DCHS2: variants seen among roughly 807,000 people sequenced by gnomAD.
DCHS2 encodes protocadherin-23.
A neutral mutation model predicts 182.4 loss-of-function variants in DCHS2; 142 were observed. The ratio of observed to expected loss-of-function variants is 0.78; its 90% CI spans 0.68 to 0.89. The LOEUF is 0.89. DCHS2 is among the 40% of genes least tolerant of loss of function. The pLI is 0.00. For synonymous variants in DCHS2, 1,740 were observed against 1,663.3 expected, an observed-to-expected ratio of 1.05 and a Z score of -1.12; for missense variants, 4,319 against 4,198.6, an observed-to-expected ratio of 1.03 and a Z score of -0.79.
At chr4:154,331,460 T>C (rs1736521332) in intron 5 of DCHS2, 2 of 1,071,594 alleles carry the variant, frequency 1.9e-6, no homozygotes, top group South Asian at 1.8e-5. Flanking sequence ...TATAGCTGTA[T>C]GGTTTGTGCC....
intron 13 of DCHS2, chr4:154,284,449 A>T (rs1458528003): frequency 6.6e-6 from 1 of 152,252 alleles, no homozygotes. Context: ...GTGAGCAATC[A>T]CAGTACCTGG....
intron 1 of DCHS2, among the ~76,000 whole-genome samples, chr4:154,451,996 C>T (rs1219873280): frequency 6.6e-6 from 1 of 152,184 alleles, no homozygotes; most frequent in Non-Finnish European, 1.5e-5. Context: ...ATGACTTGTT[C>T]TGTTGATACC....
Position 154,305,279 on chromosome 4 carries a change from C to T in DCHS2, c.5261-48G>A, listed in dbSNP as rs569127381. 3.2e-6 allele frequency: 5 copies of T among 1,565,368 alleles called. No homozygotes were observed. In the African/African-American group the frequency reaches 4.1e-5, roughly 13 times the overall value. On this transcript the variant is annotated intron_variant, in intron 10 of 19. Coordinates refer to ENST00000357232, the MANE Select transcript of DCHS2 (RefSeq NM_001358235.2). ...ACTTAGCAATCATTTCTTTGAAATA[C>T]ATTTATCCACTTTCCTATTTCTTTT... is the stretch of plus-strand genomic sequence containing the variant.
intron 3 of DCHS2, among the ~76,000 whole-genome samples, chr4:154,358,352 T>C (rs934790184): frequency 2.6e-5 from 4 of 152,264 alleles, no homozygotes; most frequent in East Asian, 1.9e-4. Flanking sequence ...TCCAGCATTG[T>C]CTTTGGAAGC....
intron 1 of DCHS2, among the ~76,000 whole-genome samples, chr4:154,469,891 T>C (rs940659635): frequency 5.3e-5 from 8 of 152,202 alleles, no homozygotes; most frequent in Non-Finnish European, 1.0e-4. Flanking sequence ...CCAGCCACTC[T>C]TGAGCCCATC....
rs1561078112 is a variant in DCHS2, at chr4:154,378,528, G to GGAAGGAAGGAAGGAAA, written c.2053-1085_2053-1084insTTTCCTTCCTTCCTTC. On this transcript the variant is annotated intron_variant, in intron 1 of 19. Coordinates refer to ENST00000357232, the MANE Select transcript of DCHS2 (RefSeq NM_001358235.2). ...AGGAAGGAAGGAAGGAAAGAAGGAA[G>GGAAGGAAGGAAGGAAA]GAAGGAAGGAAGGAAGGAAGGAAGG... Among the ~76,000 whole-genome samples, 10 of 145,130 alleles carry GGAAGGAAGGAAGGAAA rather than the reference G, an allele frequency of 6.9e-5. No homozygotes were observed. The East Asian group carries it at 1.6e-3, about 24-fold the overall frequency.
At chr4:154,323,215 C>T (rs1470350408) in intron 7 of DCHS2, 1 of 1,549,512 alleles carries the variant, frequency 6.5e-7, no homozygotes, top group Non-Finnish European at 8.7e-7. Flanking sequence ...AATTGGGAGG[C>T]AGATCTAGAG....
intron 15 of DCHS2, among the ~76,000 whole-genome samples, 162 bp from the exon 16 acceptor site, chr4:154,255,832 C>T (rs1732638896): frequency 6.6e-6 from 1 of 152,146 alleles, no homozygotes; most frequent in South Asian, 2.1e-4. Flanking sequence ...TTACATTTAA[C>T]TTTATGATAA....
chr4:154,439,857 G>A (rs1024465589), intron 1 of DCHS2, among the ~76,000 whole-genome samples: 13 of 152,036 alleles, frequency 8.6e-5, no homozygotes, highest in South Asian at 8.3e-4. Flanking sequence ...AATGCTCTAC[G>A]AAAATAGCTA....
At chr4:154,252,852 G>T (rs1004173501) in intron 16 of DCHS2, among the ~76,000 whole-genome samples, 6 of 152,122 alleles carry the variant, frequency 3.9e-5, no homozygotes, top group South Asian at 2.1e-4. Flanking sequence ...AGATTGTATG[G>T]TAGCTCTATT....
At chr4:154,426,717 T>G (rs946340603) in intron 1 of DCHS2, among the ~76,000 whole-genome samples, 17 of 151,698 alleles carry the variant, frequency 1.1e-4, no homozygotes, top group African/African-American at 3.9e-4. Flanking sequence ...GAGGATTCCT[T>G]GAGCTCAGGA....
At chr4:154,311,760 C>G (rs1411407302) in intron 10 of DCHS2, among the ~76,000 whole-genome samples, 1 of 152,050 alleles carries the variant, frequency 6.6e-6, no homozygotes, top group Admixed American at 6.6e-5. Context: ...TTGCACTACT[C>G]TAAGAACCTG....
At position 154,259,736 on chromosome 4, in the gene DCHS2, G is replaced by T. The variant is rs1732884395; in HGVS notation, c.6598C>A (p.Pro2200Thr). 1 of 1,613,746 alleles carries T rather than the reference G, an allele frequency of 6.2e-7. No individual in the cohort carries two copies. Among genetic ancestry groups the T allele is most frequent in the Non-Finnish European group, 8.5e-7 (1 of 1,179,884 alleles). ...SKSGQLTVKE[P>T]KFLDFEVRNE... ...CTGACTTCAAAATCAAGAAACTTGGGTTCTTTCACAGTGAGTTGTCCTATT... is the reference window on the plus strand; with the variant it reads ...CTGACTTCAAAATCAAGAAACTTGGTTTCTTTCACAGTGAGTTGTCCTATT... The change falls in exon 15 of 20, where the codon CCC becomes ACC. Residue 2200 changes from proline (P) to threonine (T), a missense_variant. Physicochemically the swap from Pro to Thr is conservative, Grantham distance 38 (BLOSUM62 -1). Transcript: ENST00000357232.
intron 16 of DCHS2, among the ~76,000 whole-genome samples, chr4:154,249,086 T>C (rs6849044): frequency 0.037 from 5,684 of 152,192 alleles, 351 homozygotes; most frequent in African/African-American, 0.13. Flanking sequence ...AATTGACAGA[T>C]GGGATCTAAT....
intron 16 of DCHS2, among the ~76,000 whole-genome samples, chr4:154,247,635 C>CAAAAAAAA (rs67157369): frequency 7.1e-4 from 71 of 100,104 alleles, no homozygotes; most frequent in African/African-American, 2.6e-3. Flanking sequence ...GACTCCGTCT[C>CAAAAAAAA]AAAAAAAAAA....
At chr4:154,314,918 TGTGAATAAGAAACACA>T (rs1237227005) in intron 10 of DCHS2, among the ~76,000 whole-genome samples, 9 of 152,182 alleles carry the variant, frequency 5.9e-5, no homozygotes, top group Admixed American at 5.9e-4. Context: ...CAGCATGTGC[TGTGAATAAGAAACACA>T]GCACTGTAAT....
Position 154,491,238 on chromosome 4 carries a change from C to T in DCHS2, c.118G>A (p.Gly40Ser). Residue 40 changes from glycine to serine, a missense_variant, in exon 1 of 20, where the codon GGC becomes AGC. Physicochemically the swap from Gly to Ser is moderately conservative, Grantham distance 56. Transcript: ENST00000357232. Reference protein sequence around the residue: ...DTPHGRSGSSGARTQRSLLWL... With the variant: ...DTPHGRSGSSSARTQRSLLWL... ...AGCAGGGAGCGCTGCGTCCTGGCGCCGCTGCTGCCTGACCGCCCATGGGGT... is the reference window on the plus strand; with the variant it reads ...AGCAGGGAGCGCTGCGTCCTGGCGCTGCTGCTGCCTGACCGCCCATGGGGT... The T allele has an allele frequency of 6.4e-7, 1 of 1,551,462 alleles. No individual in the cohort carries two copies. The highest frequency in any genetic ancestry group is 8.7e-7 in the Non-Finnish European group (1 of 1,146,984).
intron 16 of DCHS2, among the ~76,000 whole-genome samples, chr4:154,244,297 C>T (rs1380968728): frequency 6.6e-6 from 1 of 152,172 alleles, no homozygotes; most frequent in Non-Finnish European, 1.5e-5. Context: ...AGCTGGGATT[C>T]AGGTTCATGT....
intron 1 of DCHS2, among the ~76,000 whole-genome samples, chr4:154,449,298 A>T (rs949509516): frequency 1.3e-5 from 2 of 152,156 alleles, no homozygotes; most frequent in Non-Finnish European, 2.9e-5. Flanking sequence ...GATATTTTCA[A>T]TTAATCTTGA....
Sources: allele counts gnomAD v4.1 joint callset (sites outside exome capture counted in the v4.1 genomes callset), GRCh38; gene constraint gnomAD v4.1.1; transcripts MANE v1.5; gene names NCBI Gene and HGNC (gene_info 2026-07-23, HGNC 2026-07-21).